RALGPS2: variants seen among roughly 807,000 people sequenced by gnomAD.
The protein encoded by RALGPS2 is ras-specific guanine nucleotide-releasing factor RalGPS2.
A neutral mutation model predicts 86.8 loss-of-function variants in RALGPS2; 43 were observed. That is an observed-to-expected ratio of 0.50 (90% confidence interval 0.39 to 0.64). The LOEUF (loss-of-function observed/expected upper bound fraction) is 0.64. Among genes scored for constraint, RALGPS2 ranks in the 30% least tolerant of loss-of-function variants. The pLI is 0.00. For synonymous variants in RALGPS2, 243 were observed against 231.3 expected (o/e 1.05, Z -0.46); for missense variants, 536 against 694.6 (o/e 0.77, Z 2.57).
intron 13 of RALGPS2, among the ~76,000 whole-genome samples, 199 bp from the exon 14 acceptor site, chr1:178,889,443 G>A (rs569224741): frequency 2.8e-4 from 43 of 152,104 alleles, no homozygotes; most frequent in Middle Eastern, 6.8e-3. Context: ...TTAGGTTGTC[G>A]TGTCAACTGT....
At chr1:178,796,239 G>A (rs1010645078) in intron 4 of RALGPS2, among the ~76,000 whole-genome samples, 5 of 152,208 alleles carry the variant, frequency 3.3e-5, no homozygotes, top group Admixed American at 1.3e-4. Context: ...TGGGAGGAAG[G>A]AAGAGAAAAG....
At chr1:178,805,865 T>C (rs1359202385) in intron 4 of RALGPS2, among the ~76,000 whole-genome samples, 1 of 152,174 alleles carries the variant, frequency 6.6e-6, no homozygotes, top group Non-Finnish European at 1.5e-5. Flanking sequence ...ACTTTAGTTT[T>C]CTTTGTATCC....
In RALGPS2 at chr1:178,885,196, A is replaced by G. The variant is rs747819408; in HGVS notation, c.1025A>G (p.His342Arg). ...NLIPHGHRKC[H>R]SLGYNFIHKM... Reference sequence around the variant, plus strand: ...ATTCCACATGGACATAGGAAGTGCCATAGTTTGGGTTATAAGTCAGCATTT... The same window carrying G: ...ATTCCACATGGACATAGGAAGTGCCGTAGTTTGGGTTATAAGTCAGCATTT... The change falls in exon 12 of 20, where the codon CAT becomes CGT. Residue 342 changes from histidine to arginine, a missense_variant. Transcript: ENST00000367635. 2 of 1,612,928 alleles carry G rather than the reference A, an allele frequency of 1.2e-6. No individual in the cohort carries two copies. Among genetic ancestry groups the G allele is most frequent in the Non-Finnish European group, 1.7e-6 (2 of 1,179,698 alleles).
chr1:178,832,945 T>TA (rs905746531), intron 7 of RALGPS2, among the ~76,000 whole-genome samples: 2 of 152,044 alleles, frequency 1.3e-5, no homozygotes, highest in African/African-American at 4.8e-5. Flanking sequence ...TGTAAGGAAT[T>TA]AAAGGATTTT....
At chr1:178,859,308 A>G (rs568588119) in intron 8 of RALGPS2, among the ~76,000 whole-genome samples, 30 of 152,272 alleles carry the variant, frequency 2.0e-4, no homozygotes, top group Non-Finnish European at 3.8e-4. Flanking sequence ...AGCATTATAA[A>G]TAATTTGAAA....
At chr1:178,788,821 TTC>T (rs201384248) in intron 4 of RALGPS2, among the ~76,000 whole-genome samples, 3,245 of 137,614 alleles carry the variant, frequency 0.024, 39 homozygotes, top group Middle Eastern at 0.05. Context: ...TTCTTTTCTT[TTC>T]TTTTGTTTTC....
At chr1:178,810,222 T>TA (rs1572355192) in intron 5 of RALGPS2, among the ~76,000 whole-genome samples, 5 of 152,030 alleles carry the variant, frequency 3.3e-5, no homozygotes, top group Admixed American at 1.3e-4. Context: ...TGTCTCAATT[T>TA]AAAAAAATAC....
intron 8 of RALGPS2, among the ~76,000 whole-genome samples, chr1:178,847,113 T>C (rs961747251): frequency 6.6e-6 from 1 of 152,238 alleles, no homozygotes; most frequent in Non-Finnish European, 1.5e-5. Flanking sequence ...TGTAATTATG[T>C]GTACAATTAT....
chr1:178,878,650 C>G (rs932833466), intron 9 of RALGPS2, among the ~76,000 whole-genome samples: 10 of 151,906 alleles, frequency 6.6e-5, no homozygotes, highest in Non-Finnish European at 1.2e-4. Flanking sequence ...TGTGAAATTT[C>G]TCAAATATAT....
chr1:178,808,003 C>A (rs1654818452), intron 4 of RALGPS2, 42 bp from the exon 5 acceptor site: 2 of 1,270,482 alleles, frequency 1.6e-6, no homozygotes, highest in South Asian at 1.2e-5. Flanking sequence ...CAGAAAAAAA[C>A]TAGGCTATTA....
chr1:178,902,058 A>G (rs754118452), intron 17 of RALGPS2, 48 bp from the exon 18 acceptor site: 5 of 1,427,264 alleles, frequency 3.5e-6, no homozygotes, highest in Admixed American at 3.4e-5. Context: ...TTTTGCTAGA[A>G]TAAACCATAA....
At chr1:178,857,103 C>G (rs1043306625) in intron 8 of RALGPS2, among the ~76,000 whole-genome samples, 2 of 152,090 alleles carry the variant, frequency 1.3e-5, no homozygotes, top group Non-Finnish European at 2.9e-5. Flanking sequence ...ATGAAATTTA[C>G]AGAATTTTAA....
chr1:178,899,764 TTGGCAGGTGGAGTAAG>T (rs1451513876), intron 17 of RALGPS2, among the ~76,000 whole-genome samples: 1 of 151,642 alleles, frequency 6.6e-6, no homozygotes, highest in East Asian at 1.9e-4. Context: ...AGACCAAAAT[TTGGCAGGTGGAGTAAG>T]GGCAGGGGGA....
chr1:178,882,571 A>G (rs542811184), intron 10 of RALGPS2, among the ~76,000 whole-genome samples: 3 of 152,232 alleles, frequency 2.0e-5, no homozygotes, highest in Non-Finnish European at 2.9e-5. Flanking sequence ...GTATTATTCA[A>G]TTATTTTTAA....
chr1:178,808,676 A>T (rs191208821), intron 5 of RALGPS2, among the ~76,000 whole-genome samples: 131 of 152,136 alleles, frequency 8.6e-4, no homozygotes, highest in Non-Finnish European at 1.4e-3. Flanking sequence ...TGCTGCCTCA[A>T]TTGAGGGAAT....
chr1:178,801,444 A>G (rs1654470230), intron 4 of RALGPS2, among the ~76,000 whole-genome samples: 1 of 152,120 alleles, frequency 6.6e-6, no homozygotes, highest in Non-Finnish European at 1.5e-5. Flanking sequence ...ATATCAACCC[A>G]TTTGATCCTG....
intron 2 of RALGPS2, among the ~76,000 whole-genome samples, chr1:178,781,338 GT>G (rs1653384943): frequency 6.6e-6 from 1 of 152,148 alleles, no homozygotes; most frequent in African/African-American, 2.4e-5. Flanking sequence ...TCTTATAGAA[GT>G]GATAAGCTTA....
intron 1 of RALGPS2, among the ~76,000 whole-genome samples, chr1:178,734,709 A>T (rs1650575754): frequency 6.6e-6 from 1 of 152,192 alleles, no homozygotes; most frequent in Non-Finnish European, 1.5e-5. Flanking sequence ...TGTTTCGATG[A>T]TTCTGTAAGG....
chr1:178,847,860 A>T (rs887447444), intron 8 of RALGPS2, among the ~76,000 whole-genome samples: 2 of 152,206 alleles, frequency 1.3e-5, no homozygotes, highest in African/African-American at 4.8e-5. Context: ...GTGTATTTGT[A>T]GGTGTCTACT....
Sources: gnomAD v4.1 joint callset for allele counts (sites outside exome capture counted in the v4.1 genomes callset) on GRCh38, gnomAD v4.1.1 for gene constraint, MANE v1.5 for transcripts, NCBI Gene and HGNC (gene_info 2026-07-23, HGNC 2026-07-21) for gene names.